WDR7: variants seen among roughly 807,000 people sequenced by gnomAD.
WDR7 encodes WD repeat-containing protein 7.
In WDR7, 46 loss-of-function variants were observed where a neutral mutation model predicts 169.4. The ratio of observed to expected loss-of-function variants is 0.27; its 90% CI spans 0.21 to 0.35. WDR7 has a LOEUF of 0.35. Ranked by LOEUF, WDR7 falls within the 10% of genes least tolerant of loss-of-function variation. WDR7 has a pLI of 1.00. For missense variants in WDR7, 1,534 were observed against 1,859.3 expected (o/e 0.83, Z 3.22); for synonymous variants, 612 against 666.8 (o/e 0.92, Z 1.27).
At chr18:56,656,456 T>C (rs900802513) in intron 1 of WDR7, among the ~76,000 whole-genome samples, 1 of 151,906 alleles carries the variant, frequency 6.6e-6, no homozygotes, top group Non-Finnish European at 1.5e-5. Context: ...ATTTTTTGCA[T>C]TTTAGTAGAG....
At chr18:56,821,008 C>T (rs1484067162) in intron 20 of WDR7, among the ~76,000 whole-genome samples, 1 of 152,082 alleles carries the variant, frequency 6.6e-6, no homozygotes, top group Non-Finnish European at 1.5e-5. Flanking sequence ...TATATAGTAT[C>T]ATTAATAGTG....
chr18:56,752,337 C>T (rs949392843), intron 14 of WDR7, among the ~76,000 whole-genome samples: 27 of 152,160 alleles, frequency 1.8e-4, no homozygotes, highest in African/African-American at 6.5e-4. Context: ...ATTGTTCTGC[C>T]AGGAGTGCTC....
In WDR7 at chr18:56,817,748, A is replaced by ATT. The variant is rs200886693; in HGVS notation, c.3304+1618_3304+1619dup. Among the ~76,000 whole-genome samples the ATT allele has an allele frequency of 2.4e-3, 344 of 144,134 alleles. 1 individual carries two copies. Among genetic ancestry groups the ATT allele is most frequent in the African/African-American group, 8.3e-3 (327 of 39,470 alleles). 94.6% of individuals were successfully genotyped at this position (144,134 alleles called of 152,430 possible). ...TAAAGAAAATCTATTTTCTTTGCAG[A>ATT]TTTTTTTTTTTTTTTGAGATGGAGT... On this transcript the variant is annotated intron_variant, in intron 20 of 27. Transcript: ENST00000254442.
At position 57,027,443 on chromosome 18, in the gene WDR7, G is replaced by A; in HGVS notation, c.*236G>A. 1.9e-6 allele frequency: 1 copy of A among 540,282 alleles called. No homozygotes were observed. Among genetic ancestry groups the A allele is most frequent in the Non-Finnish European group, 3.2e-6 (1 of 311,244 alleles). The allele number at this position is 540,282 out of a possible 1,614,324, so 33.5% of individuals were successfully genotyped here. A position where few individuals can be genotyped will look rare whatever the true frequency, so the allele number is the denominator to read the frequency against. ...GCAGGATGTGGCCATCCTGTCACCA[G>A]GTAGTTTTTCCCTGCCAGAGATGGC... On this transcript the variant is annotated 3_prime_UTR_variant, in exon 28 of 28. Coordinates refer to ENST00000254442, the MANE Select transcript of WDR7 (RefSeq NM_015285.3).
intron 26 of WDR7, among the ~76,000 whole-genome samples, chr18:56,996,103 A>T (rs956082222): frequency 1.4e-4 from 22 of 152,300 alleles, no homozygotes; most frequent in African/African-American, 5.3e-4. Context: ...GAAGTATTTA[A>T]TAAGGAGCTG....
intron 26 of WDR7, 43 bp from the exon 27 acceptor site, chr18:57,020,702 C>A: frequency 1.3e-6 from 2 of 1,577,290 alleles, no homozygotes; most frequent in Non-Finnish European, 1.7e-6. Context: ...TGTAATTGTC[C>A]TGTGAAATGC....
intron 26 of WDR7, among the ~76,000 whole-genome samples, chr18:56,963,430 T>G (rs1241703621): frequency 2.0e-5 from 3 of 152,198 alleles, no homozygotes; most frequent in Non-Finnish European, 4.4e-5. Context: ...TTAAATTTAA[T>G]GAACTATTAA....
chr18:56,908,456 T>C (rs1473066209), intron 21 of WDR7, among the ~76,000 whole-genome samples: 1 of 152,192 alleles, frequency 6.6e-6, no homozygotes, highest in Non-Finnish European at 1.5e-5. Context: ...CAATATGGTG[T>C]ATTTCATTTG....
chr18:56,677,488 T>C (rs990165975), intron 2 of WDR7, among the ~76,000 whole-genome samples: 3 of 152,286 alleles, frequency 2.0e-5, no homozygotes, highest in African/African-American at 7.2e-5. Flanking sequence ...TAGCTGGGAC[T>C]ACAGATGTGT....
intron 19 of WDR7, among the ~76,000 whole-genome samples, chr18:56,799,443 A>G (rs1415612680): frequency 6.7e-6 from 1 of 149,034 alleles, no homozygotes; most frequent in Non-Finnish European, 1.5e-5. Flanking sequence ...CATCAGAACT[A>G]TGACATTTTA....
At chr18:56,941,097 G>A (rs1396019305) in intron 25 of WDR7, among the ~76,000 whole-genome samples, 1 of 152,114 alleles carries the variant, frequency 6.6e-6, no homozygotes, top group Non-Finnish European at 1.5e-5. Flanking sequence ...TCAAGTACTA[G>A]CCAGGCCCTG....
At chr18:56,967,736 C>T (rs1252452188) in intron 26 of WDR7, among the ~76,000 whole-genome samples, 1 of 152,196 alleles carries the variant, frequency 6.6e-6, no homozygotes, top group Non-Finnish European at 1.5e-5. Flanking sequence ...GGAATTGGCT[C>T]TAGGCCACCC....
chr18:56,854,408 G>A (rs185853491), intron 20 of WDR7, among the ~76,000 whole-genome samples: 14 of 152,354 alleles, frequency 9.2e-5, no homozygotes, highest in African/African-American at 3.4e-4. Flanking sequence ...GCAAGGCATA[G>A]GGAAGGGACA....
intron 22 of WDR7, among the ~76,000 whole-genome samples, chr18:56,926,142 A>T (rs1275215837): frequency 6.6e-6 from 1 of 152,174 alleles, no homozygotes; most frequent in Non-Finnish European, 1.5e-5. Context: ...AGTTTTCTGG[A>T]TACAGGAGGC....
chr18:56,939,255 A>G (rs2047002309), intron 24 of WDR7, 56 bp from the exon 25 acceptor site: 20 of 1,339,370 alleles, frequency 1.5e-5, no homozygotes, highest in Non-Finnish European at 2.0e-5. Context: ...AATCATTTAC[A>G]TTTTGGAAAA....
chr18:56,963,956 G>C (rs564472122), intron 26 of WDR7, among the ~76,000 whole-genome samples: 1 of 150,800 alleles, frequency 6.6e-6, no homozygotes, highest in East Asian at 2.0e-4. Context: ...AAAAGAACAA[G>C]GTGACCTTGT....
intron 21 of WDR7, chr18:56,891,061 G>C (rs2046257412): frequency 6.6e-6 from 1 of 152,144 alleles, no homozygotes; most frequent in South Asian, 2.1e-4. Flanking sequence ...AGCCAGAGTA[G>C]AGAGACCCAG....
intron 26 of WDR7, among the ~76,000 whole-genome samples, chr18:56,971,978 A>G (rs2047495251): frequency 1.3e-5 from 2 of 152,252 alleles, no homozygotes; most frequent in African/African-American, 4.8e-5. Context: ...GTTGTAAACA[A>G]AGTTACATAG....
intron 20 of WDR7, among the ~76,000 whole-genome samples, chr18:56,849,400 A>G (rs1260435942): frequency 1.3e-5 from 2 of 152,142 alleles, no homozygotes; most frequent in African/African-American, 4.8e-5. Context: ...CTCATTTCTT[A>G]AAAGGCAATA....
Sources: allele counts gnomAD v4.1 joint callset (sites outside exome capture counted in the v4.1 genomes callset), GRCh38; gene constraint gnomAD v4.1.1; transcripts MANE v1.5; gene names NCBI Gene and HGNC (gene_info 2026-07-23, HGNC 2026-07-21).